The following WEE1 variants were observed in gnomAD, a reference collection of about 807,000 sequenced individuals.
WEE1 encodes the protein wee1-like protein kinase.
WEE1 carries 16 observed loss-of-function variants against 68.8 expected under a neutral mutation model. The observed-to-expected ratio is 0.23, with a 90% CI of 0.16 to 0.35. The LOEUF is 0.35. Among genes scored for constraint, WEE1 ranks in the 10% least tolerant of loss-of-function variants. The pLI is 1.00. For synonymous variants in WEE1, 349 were observed against 318.7 expected, an observed-to-expected ratio of 1.09 and a Z score of -1.01; for missense variants, 651 against 824.1, an observed-to-expected ratio of 0.79 and a Z score of 2.57.
intron 10 of WEE1, 63 bp downstream of exon 10, chr11:9,586,919 G>T: frequency 6.6e-7 from 1 of 1,504,958 alleles, no homozygotes; most frequent in Non-Finnish European, 9.0e-7. Flanking sequence ...AAATTTTAAT[G>T]AGAGATGATT....
rs559885461 is a variant in WEE1, at chr11:9,587,847, T to G, written c.1788-602T>G. Among the ~76,000 whole-genome samples the G allele has an allele frequency of 5.9e-5, 9 of 152,308 alleles. No individual in the cohort carries two copies. The South Asian group carries it at 1.9e-3, about 32-fold the overall frequency. On this transcript the variant is annotated intron_variant, in intron 10 of 10. Transcript: ENST00000450114. The stretch of plus-strand genomic sequence containing the variant: ...TATAAGAATTGTATATTAAGAGGTT[T>G]ACTTGCCACTAGTTTGATATCCATC...
At chr11:9,588,426 C>A in intron 10 of WEE1, 23 bp from the exon 11 acceptor site, 1 of 1,524,442 alleles carries the variant, frequency 6.6e-7, no homozygotes, top group South Asian at 1.3e-5. Context: ...GGAATAATAC[C>A]TTGTTTTCTA....
chr11:9,576,810 C>T lies in WEE1; in HGVS notation c.1019+151C>T. On this transcript the variant is annotated intron_variant, in intron 4 of 10. Transcript: ENST00000450114. The surrounding 1 kb of genome is among the most constrained non-coding windows in gnomAD (Gnocchi z 4.3). ...TCCTTTTCACTTAATACCATCAGTT[C>T]TTATTGGACTTGTTGAATAATATGA... is the stretch of plus-strand genomic sequence containing the variant. 1.2e-6 allele frequency: 1 copy of T among 802,824 alleles called. No individual in the cohort carries two copies. The highest frequency in any genetic ancestry group is 1.9e-6 in the Non-Finnish European group (1 of 529,358). 49.7% of individuals were successfully genotyped at this position (802,824 alleles called of 1,614,324 possible). A position where few individuals can be genotyped will look rare whatever the true frequency, so the allele number is the denominator to read the frequency against.
chr11:9,587,829 AT>A (rs1282358674), intron 10 of WEE1, among the ~76,000 whole-genome samples: 1 of 152,152 alleles, frequency 6.6e-6, no homozygotes, highest in Non-Finnish European at 1.5e-5. Context: ...AATTATAAGA[AT>A]TGTATATTAA....
At position 9,576,105 on chromosome 11, in the gene WEE1, A is replaced by G. The variant is rs189741995; in HGVS notation, c.782+12A>G. ...ACGTATTGGAATGAGTAAGTCGTTT[A>G]TTTAACAGTTTGGTTCTCCAAATAA... On this transcript the variant is annotated intron_variant, in intron 2 of 10. Transcript: ENST00000450114. This position sits in a 1 kb window ranked among gnomAD's most constrained non-coding sequence, Gnocchi z 4.3. 2.2e-4 allele frequency: 347 copies of G among 1,613,554 alleles called. No homozygotes were observed. In the African/African-American group the frequency reaches 3.7e-3, roughly 17 times the overall value.
At position 9,573,848 on chromosome 11, in the gene WEE1, C is replaced by T. The variant is rs1429442072; in HGVS notation, c.-86C>T. The T allele has an allele frequency of 1.3e-5, 15 of 1,125,606 alleles. No homozygotes were observed. Among genetic ancestry groups the T allele is most frequent in the Non-Finnish European group, 1.7e-5 (15 of 903,446 alleles). 69.7% of individuals were successfully genotyped at this position (1,125,606 alleles called of 1,614,324 possible). A position where few individuals can be genotyped will look rare whatever the true frequency, so the allele number is the denominator to read the frequency against. On this transcript the variant is annotated 5_prime_UTR_variant, in exon 1 of 11. It adds an upstream start codon to the 5' untranslated region. Coordinates refer to ENST00000450114, the MANE Select transcript of WEE1 (RefSeq NM_003390.4). ...CTGCGACTAGGCGCGCCCAGCCGCA[C>T]GTGGCGGACCCGCCCCCAGGCCCGC...
rs968284969 is a variant in WEE1 at position 9,588,848 on chromosome 11, G to A, written c.*246G>A. ...TGGATGTTACACCAGCCTTTCCAGGGTTAACCACTGTGGTGGTGTGCTGCT... is the reference window on the plus strand; with the variant it reads ...TGGATGTTACACCAGCCTTTCCAGGATTAACCACTGTGGTGGTGTGCTGCT... On this transcript the variant is annotated 3_prime_UTR_variant, in exon 11 of 11. Transcript: ENST00000450114. 1.0e-4 allele frequency: 111 copies of A among 1,089,444 alleles called. No homozygotes were observed. The highest frequency in any genetic ancestry group is 1.2e-4 in the Non-Finnish European group (108 of 895,142). The allele number at this position is 1,089,444 out of a possible 1,614,324, so 67.5% of individuals were successfully genotyped here. A position where few individuals can be genotyped will look rare whatever the true frequency, so the allele number is the denominator to read the frequency against.
intron 10 of WEE1, 84 bp from the exon 11 acceptor site, chr11:9,588,365 A>G (rs1849725515): frequency 2.2e-6 from 2 of 924,162 alleles, no homozygotes; most frequent in South Asian, 5.9e-5. Flanking sequence ...GCATGCAAAT[A>G]TCTCCCAATC....
chr11:9,574,515 A>G lies in WEE1; in HGVS notation c.576+6A>G. The G allele has an allele frequency of 8.3e-7, 1 of 1,207,098 alleles. No individual in the cohort carries two copies. Among genetic ancestry groups the G allele is most frequent in the Non-Finnish European group, 1.0e-6 (1 of 976,422 alleles). 74.8% of individuals were successfully genotyped at this position (1,207,098 alleles called of 1,614,324 possible). A position where few individuals can be genotyped will look rare whatever the true frequency, so the allele number is the denominator to read the frequency against. On this transcript the variant is annotated splice_donor_region_variant and intron_variant, in intron 1 of 10. Coordinates refer to ENST00000450114, the MANE Select transcript of WEE1 (RefSeq NM_003390.4). The surrounding 1 kb of genome is among the most constrained non-coding windows in gnomAD (Gnocchi z 4.9). ...ACACCCCGCACACGCCCAAGGTGAG[A>G]GCGGCGGGCGCGGGCACCCGGCGGC...
In WEE1 at chr11:9,587,161, A is replaced by G. The variant is rs140449971; in HGVS notation, c.1787+305A>G. ...TTTTTGTAGAGATGGGGTTTTTGCC[A>G]TGTTGCCCAGGCTGGTCTTGAACTC... On this transcript the variant is annotated intron_variant, in intron 10 of 10. Coordinates refer to ENST00000450114, the MANE Select transcript of WEE1 (RefSeq NM_003390.4). Among the ~76,000 whole-genome samples, 546 of 152,204 alleles carry G rather than the reference A, an allele frequency of 3.6e-3. 2 individuals carry two copies. The highest frequency in any genetic ancestry group is 0.01 in the Middle Eastern group (3 of 294).
intron 5 of WEE1, chr11:9,577,814 TCTCC>T (rs1252017181): frequency 2.2e-6 from 1 of 449,028 alleles, no homozygotes; most frequent in Non-Finnish European, 4.4e-6. Context: ...GCTTGTCGTC[TCTCC>T]CTCCTCTCCC....
intron 1 of WEE1, 144 bp from the exon 2 acceptor site, chr11:9,575,744 A>G: frequency 1.5e-6 from 1 of 679,124 alleles, no homozygotes; most frequent in Non-Finnish European, 2.4e-6. Context: ...GCCACAATTT[A>G]TTTTGCTTGA....
intron 1 of WEE1, chr11:9,575,107 G>T (rs773255284): frequency 2.7e-5 from 27 of 985,372 alleles, no homozygotes; most frequent in Non-Finnish European, 3.3e-5. Context: ...CAGTACTGAG[G>T]CCTGTTTCTG....
At chr11:9,578,675 C>T (rs1052006152) in intron 5 of WEE1, 3 of 152,178 alleles carry the variant, frequency 2.0e-5, no homozygotes, top group African/African-American at 7.2e-5. Flanking sequence ...GAATAATTCT[C>T]TTAACAGAAT....
Position 9,589,072 on chromosome 11 carries a change from C to G in WEE1, c.*470C>G. 1 of 985,478 alleles carries G rather than the reference C, an allele frequency of 1.0e-6. No homozygotes were observed. Among genetic ancestry groups the G allele is most frequent in the African/African-American group, 1.7e-5 (1 of 57,234 alleles). 61.0% of individuals were successfully genotyped at this position (985,478 alleles called of 1,614,324 possible). A position where few individuals can be genotyped will look rare whatever the true frequency, so the allele number is the denominator to read the frequency against. ...TTAATTGTGAATTAGACTTGTATATCCCACTGGGAGCACTTTGTAGGCATT... is the reference window on the plus strand; with the variant it reads ...TTAATTGTGAATTAGACTTGTATATGCCACTGGGAGCACTTTGTAGGCATT... On this transcript the variant is annotated 3_prime_UTR_variant, in exon 11 of 11. Transcript: ENST00000450114.
intron 6 of WEE1, among the ~76,000 whole-genome samples, chr11:9,582,131 C>A (rs1389954112): frequency 3.3e-5 from 5 of 152,370 alleles, no homozygotes; most frequent in African/African-American, 1.2e-4. Flanking sequence ...AAGCCCCACT[C>A]TTCCACTAGG....
chr11:9,587,680 AAG>A (rs1263940159), intron 10 of WEE1, among the ~76,000 whole-genome samples: 4 of 152,220 alleles, frequency 2.6e-5, no homozygotes, highest in East Asian at 1.9e-4. Context: ...GGTTATTAAA[AAG>A]AGAATATTGG....
chr11:9,575,361 G>T (rs1238209360), intron 1 of WEE1: 8 of 991,462 alleles, frequency 8.1e-6, no homozygotes, highest in Non-Finnish European at 9.6e-6. Context: ...TAACAGGGAA[G>T]ATGCACCTTT....
intron 6 of WEE1, 169 bp from the exon 7 acceptor site, chr11:9,585,089 A>G (rs2134355483): frequency 1.7e-6 from 1 of 599,240 alleles, no homozygotes; most frequent in Non-Finnish European, 2.9e-6. Context: ...AATTCCCAGC[A>G]ACTATAACCC....
Sources: gnomAD v4.1 joint callset for allele counts (sites outside exome capture counted in the v4.1 genomes callset) on GRCh38, gnomAD v4.1.1 for gene constraint, Gnocchi (gnomAD v3.1) non-coding constraint, MANE v1.5 for transcripts, NCBI Gene and HGNC (gene_info 2026-07-23, HGNC 2026-07-21) for gene names.